Variants in ATRNL1 observed in about 807,000 individuals in gnomAD.
ATRNL1 encodes attractin-like protein 1.
Under a neutral mutation model 182.7 loss-of-function variants are expected in ATRNL1, and 95 were observed. The observed-to-expected ratio is 0.52, with a 90% CI of 0.44 to 0.62. The LOEUF (loss-of-function observed/expected upper bound fraction) is 0.62. Ranked by LOEUF, ATRNL1 falls within the 20% of genes least tolerant of loss-of-function variation. The pLI is 0.00. For missense variants in ATRNL1, 1,471 were observed against 1,679.5 expected (o/e 0.88, Z 2.17); for synonymous variants, 576 against 568.3 (o/e 1.01, Z -0.19).
chr10:115,534,733 A>G (rs1851852414), intron 25 of ATRNL1, among the ~76,000 whole-genome samples: 1 of 151,496 alleles, frequency 6.6e-6, no homozygotes, highest in African/African-American at 2.4e-5. Context: ...ATGATTTTGT[A>G]GCAGCTGGTA....
intron 28 of ATRNL1, among the ~76,000 whole-genome samples, chr10:115,903,866 G>A (rs911785916): frequency 5.9e-5 from 9 of 152,264 alleles, no homozygotes; most frequent in African/African-American, 2.2e-4. Flanking sequence ...TTTTAACTTT[G>A]CATTTTAAAA....
At chr10:115,433,802 A>G (rs781920726) in intron 21 of ATRNL1, among the ~76,000 whole-genome samples, 2 of 152,210 alleles carry the variant, frequency 1.3e-5, no homozygotes, top group African/African-American at 2.4e-5. Flanking sequence ...ATATTTTACA[A>G]TAAAAGTGTT....
chr10:115,801,961 G>A (rs78417815), intron 27 of ATRNL1, among the ~76,000 whole-genome samples: 2,329 of 148,266 alleles, frequency 0.016, 63 homozygotes, highest in African/African-American at 0.053. Context: ...ATTAGTGTCA[G>A]CATTACTGAC....
At chr10:115,536,057 G>T (rs993522131) in intron 25 of ATRNL1, among the ~76,000 whole-genome samples, 3 of 151,844 alleles carry the variant, frequency 2.0e-5, no homozygotes, top group Non-Finnish European at 2.9e-5. Context: ...CGGGGGTCAG[G>T]GGTCAGGGAC....
At chr10:115,196,410 A>G (rs1848362432) in intron 8 of ATRNL1, among the ~76,000 whole-genome samples, 1 of 152,132 alleles carries the variant, frequency 6.6e-6, no homozygotes, top group Non-Finnish European at 1.5e-5. Context: ...GTTTTGAGCT[A>G]TTCTAGGTCC....
chr10:115,280,344 T>A (rs1852303530), intron 13 of ATRNL1, among the ~76,000 whole-genome samples: 1 of 152,154 alleles, frequency 6.6e-6, no homozygotes, highest in African/African-American at 2.4e-5. Context: ...CTATTGATTA[T>A]GAAATCATAA....
chr10:115,778,617 G>A (rs1159311860), intron 27 of ATRNL1, among the ~76,000 whole-genome samples: 2 of 152,216 alleles, frequency 1.3e-5, no homozygotes, highest in African/African-American at 2.4e-5. Flanking sequence ...AGACTATGGA[G>A]AGAAGGATGA....
At chr10:115,812,938 A>G (rs1489427459) in intron 27 of ATRNL1, among the ~76,000 whole-genome samples, 2 of 134,918 alleles carry the variant, frequency 1.5e-5, no homozygotes, top group African/African-American at 7.6e-5. Flanking sequence ...ATTAATATCA[A>G]TATTAATTAT....
chr10:115,677,007 C>T (rs549789766), intron 26 of ATRNL1, among the ~76,000 whole-genome samples: 72 of 152,200 alleles, frequency 4.7e-4, no homozygotes, highest in African/African-American at 1.6e-3. Flanking sequence ...GTACTTCTTC[C>T]ATTGCTGTAC....
chr10:115,330,915 G>T (rs964253144), intron 18 of ATRNL1, among the ~76,000 whole-genome samples: 1 of 151,726 alleles, frequency 6.6e-6, no homozygotes, highest in Non-Finnish European at 1.5e-5. Context: ...ATGATACACA[G>T]ATTTGCTCTT....
intron 26 of ATRNL1, among the ~76,000 whole-genome samples, chr10:115,639,294 A>G (rs575743151): frequency 1.7e-4 from 26 of 152,326 alleles, no homozygotes; most frequent in African/African-American, 6.3e-4. Flanking sequence ...GTTTAGAGAA[A>G]CTATCCTTCA....
chr10:115,319,328 A>C (rs572420132), intron 18 of ATRNL1, among the ~76,000 whole-genome samples: 7 of 152,362 alleles, frequency 4.6e-5, no homozygotes, highest in African/African-American at 1.7e-4. Context: ...ATTTTAGAAT[A>C]AGTGCCATGT....
chr10:115,649,940 A>G (rs1859879745), intron 26 of ATRNL1, among the ~76,000 whole-genome samples: 1 of 152,170 alleles, frequency 6.6e-6, no homozygotes. Flanking sequence ...AAAGTGATAA[A>G]GTGACAGTAA....
chr10:115,303,887 T>G (rs1853603475), intron 17 of ATRNL1, among the ~76,000 whole-genome samples: 1 of 152,172 alleles, frequency 6.6e-6, no homozygotes, highest in Non-Finnish European at 1.5e-5. Context: ...ATGTTGTGGT[T>G]GAAATGTATT....
At chr10:115,293,618 G>T (rs1853031523) in intron 15 of ATRNL1, among the ~76,000 whole-genome samples, 1 of 151,978 alleles carries the variant, frequency 6.6e-6, no homozygotes, top group Admixed American at 6.5e-5. Flanking sequence ...CTAGATGTTA[G>T]GCTCCTTTGA....
At chr10:115,755,045 C>G (rs1555071609) in intron 27 of ATRNL1, among the ~76,000 whole-genome samples, 1 of 152,110 alleles carries the variant, frequency 6.6e-6, no homozygotes, top group Non-Finnish European at 1.5e-5. Flanking sequence ...GCTGAAATTG[C>G]TTATCAGCTT....
chr10:115,709,250 G>C (rs76533501), intron 26 of ATRNL1, among the ~76,000 whole-genome samples: 13 of 151,800 alleles, frequency 8.6e-5, no homozygotes, highest in Non-Finnish European at 1.5e-5. Flanking sequence ...TCTGAAGAAA[G>C]CCCGAAACAC....
At chr10:115,419,067 T>G (rs1845536115) in intron 20 of ATRNL1, among the ~76,000 whole-genome samples, 1 of 152,182 alleles carries the variant, frequency 6.6e-6, no homozygotes, top group Non-Finnish European at 1.5e-5. Flanking sequence ...TATAAAAAAC[T>G]ACAATAATTT....
intron 8 of ATRNL1, among the ~76,000 whole-genome samples, chr10:115,181,691 T>G (rs1847751701): frequency 1.3e-5 from 2 of 151,724 alleles, no homozygotes; most frequent in East Asian, 3.9e-4. Flanking sequence ...AAACAGAAGT[T>G]TTTTAGAAAG....
Sources: gnomAD v4.1 joint callset for allele counts (sites outside exome capture counted in the v4.1 genomes callset) on GRCh38, gnomAD v4.1.1 for gene constraint, MANE v1.5 for transcripts, NCBI Gene and HGNC (gene_info 2026-07-23, HGNC 2026-07-21) for gene names.